CLPB: variants seen among roughly 807,000 people sequenced by gnomAD.
CLPB encodes the protein ClpB family mitochondrial disaggregase, also known as mitochondrial disaggregase.
Under a neutral mutation model 78.4 loss-of-function variants are expected in CLPB, and 40 were observed. The ratio of observed to expected loss-of-function variants is 0.51; its 90% confidence interval spans 0.40 to 0.66. The LOEUF is 0.66. CLPB is among the 30% of genes least tolerant of loss of function. The probability of loss-of-function intolerance (pLI) is 0.00; values close to 1 mark genes in which losing one functional copy is unlikely to be tolerated. For synonymous variants in CLPB, 333 were observed against 348.0 expected (o/e 0.96, Z 0.48); for missense variants, 780 against 886.9 (o/e 0.88, Z 1.53).
At chr11:72,318,235 G>A (rs1367951828) in intron 6 of CLPB, among the ~76,000 whole-genome samples, 2 of 152,194 alleles carry the variant, frequency 1.3e-5, no homozygotes, top group Admixed American at 6.5e-5. Context: ...ACAAAGAGGA[G>A]AGAATTAACA....
intron 8 of CLPB, 48 bp downstream of exon 8, chr11:72,308,479 G>A (rs746133954): frequency 8.4e-6 from 13 of 1,552,680 alleles, no homozygotes; most frequent in African/African-American, 4.1e-5. Context: ...CTTGGGCCGG[G>A]CACTACCCTA....
At chr11:72,329,648 G>A (rs547932451) in intron 6 of CLPB, 59 bp downstream of exon 6, 1 of 1,112,448 alleles carries the variant, frequency 9.0e-7, no homozygotes, top group Non-Finnish European at 1.4e-6. Flanking sequence ...AATTTAATGA[G>A]TGAAGGATTA....
rs369227883 is a variant in CLPB at position 72,293,606 on chromosome 11, G to A, written c.1795C>T (p.Arg599Cys). 1.5e-5 allele frequency: 24 copies of A among 1,612,190 alleles called. No homozygotes were observed. The highest frequency in any genetic ancestry group is 3.3e-5 in the Admixed American group (2 of 59,958). ...GCTGCTGCCAGCTGGTTCACCACAC[G>A]GCGTTCTACCTGTCGGTGGGGAGGT... is the stretch of plus-strand genomic sequence containing the variant. Reference protein sequence around the residue: ...ARSIKHEVERRVVNQLAAAYE... With the variant: ...ARSIKHEVERCVVNQLAAAYE... The change falls in exon 16 of 16, where the codon CGT becomes TGT. Residue 599 changes from arginine (R) to cysteine (C), a missense_variant. Around this residue, in one of 3 missense-constraint regions of CLPB, gnomAD observed 272 missense variants for 304.0 expected, o/e 0.89. Transcript: ENST00000538039.
intron 7 of CLPB, among the ~76,000 whole-genome samples, chr11:72,311,341 C>A (rs1238939625): frequency 3.9e-5 from 6 of 152,156 alleles, no homozygotes; most frequent in Non-Finnish European, 8.8e-5. Flanking sequence ...CTGTGGCCAG[C>A]AAATGTATTT....
chr11:72,291,608 A>AT lies in CLPB; in HGVS notation c.*1758dup, dbSNP rs1949453411. On this transcript the variant is annotated 3_prime_UTR_variant, in exon 16 of 16. Transcript: ENST00000538039. ...CAGGCATGAGCCACCACACCCGGCA[A>AT]TTTCCTGGTTTTGATAAACTACAGT... The AT allele has an allele frequency of 6.6e-6, 1 of 151,904 alleles. No individual in the cohort carries two copies. Among genetic ancestry groups the AT allele is most frequent in the Non-Finnish European group, 1.5e-5 (1 of 67,976 alleles). 9.4% of individuals were successfully genotyped at this position (151,904 alleles called of 1,614,324 possible).
intron 5 of CLPB, chr11:72,354,383 G>C (rs1358699918): frequency 2.5e-6 from 1 of 398,144 alleles, no homozygotes; most frequent in African/African-American, 2.1e-5. Context: ...CAATTCTCTG[G>C]AGGAACCTTG....
intron 5 of CLPB, among the ~76,000 whole-genome samples, chr11:72,334,938 G>A (rs1005692784): frequency 2.6e-5 from 4 of 152,248 alleles, no homozygotes; most frequent in East Asian, 1.9e-4. Flanking sequence ...CTGCGGCTGC[G>A]CCTGCCCGCT....
At chr11:72,415,319 C>T (rs1403246537) in intron 2 of CLPB, among the ~76,000 whole-genome samples, 1 of 152,224 alleles carries the variant, frequency 6.6e-6, no homozygotes, top group South Asian at 2.1e-4. Context: ...ATGCCCAATT[C>T]TTCCCTTCTT....
chr11:72,351,417 G>A (rs1442110260), intron 5 of CLPB: 1 of 152,188 alleles, frequency 6.6e-6, no homozygotes, highest in Non-Finnish European at 1.5e-5. Context: ...CTGTGTACTG[G>A]TGCCAGACGG....
intron 4 of CLPB, among the ~76,000 whole-genome samples, chr11:72,372,682 G>C (rs962017039): frequency 5.9e-5 from 9 of 152,200 alleles, no homozygotes; most frequent in African/African-American, 2.2e-4. Flanking sequence ...TGAGGGTAGG[G>C]TCCAGGAACC....
intron 2 of CLPB, among the ~76,000 whole-genome samples, chr11:72,408,745 G>GC (rs1855787750): frequency 1.3e-5 from 2 of 151,830 alleles, no homozygotes; most frequent in Admixed American, 1.3e-4. Context: ...AGCTGGGTAG[G>GC]CCCCTCCCCT....
rs1949763854 is a variant in CLPB at position 72,307,330 on chromosome 11, CACGG to C, written c.1067-80_1067-77del. 3 of 1,180,370 alleles carry C rather than the reference CACGG, an allele frequency of 2.5e-6. No homozygotes were observed. The African/African-American group carries it at 4.5e-5, about 18-fold the overall frequency. 73.1% of individuals were successfully genotyped at this position (1,180,370 alleles called of 1,614,324 possible). On this transcript the variant is annotated intron_variant, in intron 8 of 15. Coordinates refer to ENST00000538039, the MANE Select transcript of CLPB (RefSeq NM_001258392.3). ...CTGGAATGAAAGAATACTAGAAATG[CACGG>C]ACACTAGAAAGAATATATTCTATGG...
At chr11:72,427,069 T>C (rs1263367723) in intron 2 of CLPB, among the ~76,000 whole-genome samples, 1 of 152,124 alleles carries the variant, frequency 6.6e-6, no homozygotes, top group Admixed American at 6.5e-5. Context: ...CTTTGAAAGG[T>C]GTAAGCAGAG....
chr11:72,359,149 C>T lies in CLPB; in HGVS notation c.647-141G>A. On this transcript the variant is annotated intron_variant, in intron 4 of 15. Transcript: ENST00000538039. ...AAAATGGCACCTACTATGTTCCTGG[C>T]CATCTGTGCTGGGTAAGAAGAGGCA... 2.3e-6 allele frequency: 3 copies of T among 1,329,776 alleles called. No homozygotes were observed. The South Asian group carries it at 3.6e-5, about 16-fold the overall frequency. 82.4% of individuals were successfully genotyped at this position (1,329,776 alleles called of 1,614,324 possible).
chr11:72,401,009 T>C (rs1250994185), intron 3 of CLPB, among the ~76,000 whole-genome samples: 2 of 152,234 alleles, frequency 1.3e-5, no homozygotes, highest in African/African-American at 4.8e-5. Flanking sequence ...GATATTTACC[T>C]AATGTTCATA....
chr11:72,302,351 G>A lies in CLPB; in HGVS notation c.1123-3C>T, dbSNP rs764474532. 23 of 1,614,020 alleles carry A rather than the reference G, an allele frequency of 1.4e-5. No homozygotes were observed. Among genetic ancestry groups the A allele is most frequent in the Non-Finnish European group, 1.8e-5 (21 of 1,179,980 alleles). ...GACATGTCCAGCCTGATGAAGCCCT[G>A]TGTGGAAACAAGCAAGTACCAACTC... On this transcript the variant is annotated splice_polypyrimidine_tract_variant and splice_region_variant and intron_variant, in intron 9 of 15. Transcript: ENST00000538039.
intron 6 of CLPB, among the ~76,000 whole-genome samples, chr11:72,322,307 CAAA>C (rs1950058073): frequency 6.6e-6 from 1 of 152,052 alleles, no homozygotes; most frequent in Non-Finnish European, 1.5e-5. Flanking sequence ...CACTCCTCTG[CAAA>C]TAGCTAGGTG....
chr11:72,381,865 G>A (rs184976481), intron 3 of CLPB, among the ~76,000 whole-genome samples: 92 of 152,004 alleles, frequency 6.1e-4, no homozygotes, highest in African/African-American at 2.1e-3. Context: ...CAGTCCCTGC[G>A]GCCCCACACT....
At chr11:72,416,786 T>C (rs889435848) in intron 2 of CLPB, among the ~76,000 whole-genome samples, 15 of 134,242 alleles carry the variant, frequency 1.1e-4, no homozygotes, top group Middle Eastern at 3.7e-3. Flanking sequence ...CCAAAGAAGA[T>C]ACAGAAATGG....
Sources: gnomAD v4.1 joint callset for allele counts (sites outside exome capture counted in the v4.1 genomes callset) on GRCh38, gnomAD v4.1.1 for gene constraint, gnomAD v4.1.1 regional missense constraint, MANE v1.5 for transcripts, NCBI Gene and HGNC (gene_info 2026-07-23, HGNC 2026-07-21) for gene names.